NIPA1: variants seen among roughly 807,000 people sequenced by gnomAD.
The protein encoded by NIPA1 is magnesium transporter NIPA1.
A neutral mutation model predicts 23.9 loss-of-function variants in NIPA1; 13 were observed. That is an observed-to-expected ratio of 0.54 (90% CI 0.35 to 0.87). NIPA1 has a LOEUF of 0.87. NIPA1 is among the 40% of genes least tolerant of loss of function. The pLI is 0.01. For synonymous variants in NIPA1, 234 were observed against 202.9 expected (o/e 1.15, Z -1.30); for missense variants, 362 against 429.7 (o/e 0.84, Z 1.39).
chr15:22,790,915 C>T (rs1025629010), intron 1 of NIPA1, among the ~76,000 whole-genome samples: 1 of 152,056 alleles, frequency 6.6e-6, no homozygotes, highest in Non-Finnish European at 1.5e-5. Flanking sequence ...TTAAGGGAGA[C>T]CTAGCGTGAC....
At chr15:22,790,000 G>T (rs1284068021) in intron 1 of NIPA1, among the ~76,000 whole-genome samples, 1 of 152,076 alleles carries the variant, frequency 6.6e-6, no homozygotes, top group African/African-American at 2.4e-5. Flanking sequence ...CACCATGTTG[G>T]CCAGGCTGGT....
chr15:22,792,009 A>G (rs974145860), intron 1 of NIPA1, among the ~76,000 whole-genome samples: 1 of 152,058 alleles, frequency 6.6e-6, no homozygotes, highest in African/African-American at 2.4e-5. Context: ...GCATAGGCTC[A>G]GATGGGGCTG....
At chr15:22,820,135 T>G (rs1895507239) in intron 3 of NIPA1, among the ~76,000 whole-genome samples, 178 bp from the exon 4 acceptor site, 1 of 152,064 alleles carries the variant, frequency 6.6e-6, no homozygotes, top group Non-Finnish European at 1.5e-5. Flanking sequence ...AGTTCAAGCT[T>G]GTGGTGAGCT....
At chr15:22,811,512 G>T (rs1018038168) in intron 2 of NIPA1, among the ~76,000 whole-genome samples, 45 of 152,166 alleles carry the variant, frequency 3.0e-4, no homozygotes, top group Non-Finnish European at 1.8e-4. Context: ...GCTGAGGTGG[G>T]AGGATTGCTT....
At chr15:22,806,539 T>TTAGGG (rs1895216884) in intron 1 of NIPA1, among the ~76,000 whole-genome samples, 6 of 123,542 alleles carry the variant, frequency 4.9e-5, no homozygotes, top group African/African-American at 1.1e-4. Flanking sequence ...CCTTCAGTGC[T>TTAGGG]GCAGCTCCCT....
intron 1 of NIPA1, among the ~76,000 whole-genome samples, chr15:22,802,189 C>T (rs111281240): frequency 0.4 from 61,232 of 151,634 alleles, 14,063 homozygotes; most frequent in South Asian, 0.59. Context: ...GTCAGGAGTT[C>T]GAGACCAGCC....
chr15:22,797,586 A>G (rs369121095), intron 1 of NIPA1, among the ~76,000 whole-genome samples: 2 of 136,114 alleles, frequency 1.5e-5, no homozygotes, highest in East Asian at 2.3e-4. Flanking sequence ...GCACACTGCA[A>G]CTTCCACCTC....
chr15:22,824,093 G>T lies in NIPA1; in HGVS notation c.844G>T (p.Glu282Ter). Residue 282 changes from glutamate (E) to a stop codon, truncating the protein, a stop_gained, in exon 5 of 5, where the codon GAG becomes TAG. Transcript: ENST00000337435. LOFTEE classifies it high-confidence loss of function. The surrounding 1 kb of genome is among the most constrained non-coding windows in gnomAD (Gnocchi z 4.1). ...GCTGGCCTCAGCCATCCTCTTCCGG[G>T]AGTGGAGCAACGTGGGCCTGGTGGA... is the stretch of plus-strand genomic sequence containing the variant. ...VLLASAILFREWSNVGLVDFL... is the reference protein window; with the variant it reads ...VLLASAILFR 1 of 1,614,140 alleles carries T rather than the reference G, an allele frequency of 6.2e-7. No homozygotes were observed. Among genetic ancestry groups the T allele is most frequent in the Non-Finnish European group, 8.5e-7 (1 of 1,180,002 alleles).
In NIPA1 at chr15:22,824,399, A is replaced by G. The variant is rs1895608376; in HGVS notation, c.*160A>G. ...AGCGGGGAGCATGGCTCAGCACCAGAGCAGAGGCCCAGCCAGCCCTCTGCA... is the reference window on the plus strand; with the variant it reads ...AGCGGGGAGCATGGCTCAGCACCAGGGCAGAGGCCCAGCCAGCCCTCTGCA... On this transcript the variant is annotated 3_prime_UTR_variant, in exon 5 of 5. Transcript: ENST00000337435. This position sits in a 1 kb window ranked among gnomAD's most constrained non-coding sequence, Gnocchi z 4.1. The G allele has an allele frequency of 2.8e-6, 2 of 713,996 alleles. No homozygotes were observed. The highest frequency in any genetic ancestry group is 4.9e-6 in the Non-Finnish European group (2 of 407,160). 44.2% of individuals were successfully genotyped at this position (713,996 alleles called of 1,614,324 possible).
chr15:22,802,349 G>A (rs1004967244), intron 1 of NIPA1, among the ~76,000 whole-genome samples: 18 of 140,318 alleles, frequency 1.3e-4, no homozygotes, highest in South Asian at 2.3e-4. Context: ...CCGAGATCAC[G>A]CCACTGCCCT....
At chr15:22,813,909 C>T (rs539172828) in intron 3 of NIPA1, among the ~76,000 whole-genome samples, 2 of 152,302 alleles carry the variant, frequency 1.3e-5, no homozygotes, top group South Asian at 2.1e-4. Context: ...TGTGACCCGT[C>T]CCCCTGAAAG....
intron 3 of NIPA1, among the ~76,000 whole-genome samples, chr15:22,818,544 C>G (rs549882054): frequency 5.3e-5 from 8 of 152,056 alleles, no homozygotes; most frequent in African/African-American, 1.9e-4. Context: ...TGCCTATAAT[C>G]CCAGCACTTT....
rs1478439477 is a variant in NIPA1 at position 22,824,358 on chromosome 15, A to C, written c.*119A>C. On this transcript the variant is annotated 3_prime_UTR_variant, in exon 5 of 5. Coordinates refer to ENST00000337435, the MANE Select transcript of NIPA1 (RefSeq NM_144599.5). This position sits in a 1 kb window ranked among gnomAD's most constrained non-coding sequence, Gnocchi z 4.1. ...GTGTTAGAATTGACTGGATAGTAAC[A>C]GGTGGTCTGGTGGATAGCGGGGAGC... 1 of 954,004 alleles carries C rather than the reference A, an allele frequency of 1.0e-6. No individual in the cohort carries two copies. The allele number at this position is 954,004 out of a possible 1,614,324, so 59.1% of individuals were successfully genotyped here. A position where few individuals can be genotyped will look rare whatever the true frequency, so the allele number is the denominator to read the frequency against.
rs1895710892 is a variant in NIPA1 at position 22,829,401 on chromosome 15, C to A, written c.*5162C>A. ...TGAAAAGTTCAGAATATTTATTTGT[C>A]AGAATATAATAATTGCCCCCCACCT... On this transcript the variant is annotated 3_prime_UTR_variant, in exon 5 of 5. Transcript: ENST00000337435. 6.6e-6 allele frequency: 1 copy of A among 152,500 alleles called. No homozygotes were observed. The highest frequency in any genetic ancestry group is 1.5e-5 in the Non-Finnish European group (1 of 68,006). The allele number at this position is 152,500 out of a possible 1,614,324, so 9.4% of individuals were successfully genotyped here. A position where few individuals can be genotyped will look rare whatever the true frequency, so the allele number is the denominator to read the frequency against.
Position 22,800,292 on chromosome 15 carries a change from A to G in NIPA1, c.179-10457A>G, listed in dbSNP as rs1453206547. 9.2e-5 allele frequency among the ~76,000 whole-genome samples: 14 copies of G among 152,148 alleles called. 1 individual carries two copies. The highest frequency in any genetic ancestry group is 9.2e-4 in the Admixed American group (14 of 15,260). On this transcript the variant is annotated intron_variant, in intron 1 of 4. Transcript: ENST00000337435. ...CCAAGCAAATTACCATTTCATCTGC[A>G]TATTGCCACGAGTCTTTCTTTGTTA...
intron 3 of NIPA1, among the ~76,000 whole-genome samples, chr15:22,815,083 A>C (rs552665930): frequency 2.6e-5 from 4 of 152,150 alleles, no homozygotes; most frequent in Non-Finnish European, 5.9e-5. Context: ...CTATATGAAT[A>C]TGATGTGATT....
At chr15:22,802,617 T>C (rs1264111312) in intron 1 of NIPA1, among the ~76,000 whole-genome samples, 7 of 151,976 alleles carry the variant, frequency 4.6e-5, no homozygotes, top group Non-Finnish European at 1.0e-4. Context: ...TACAGTTTGA[T>C]GAGTTTTGAC....
At chr15:22,816,267 C>T (rs1246989389) in intron 3 of NIPA1, among the ~76,000 whole-genome samples, 1 of 137,346 alleles carries the variant, frequency 7.3e-6, no homozygotes, top group Non-Finnish European at 1.5e-5. Context: ...TGGCTCACTG[C>T]AACCTCCACC....
intron 1 of NIPA1, among the ~76,000 whole-genome samples, chr15:22,790,920 C>T (rs1410927542): frequency 6.6e-6 from 1 of 152,056 alleles, no homozygotes; most frequent in Non-Finnish European, 1.5e-5. Flanking sequence ...GGAGACCTAG[C>T]GTGACGTTCC....
Sources: gnomAD v4.1 joint callset for allele counts (sites outside exome capture counted in the v4.1 genomes callset) on GRCh38, gnomAD v4.1.1 for gene constraint, Gnocchi (gnomAD v3.1) non-coding constraint, MANE v1.5 for transcripts, NCBI Gene and HGNC (gene_info 2026-07-23, HGNC 2026-07-21) for gene names.